SLC17A8: variants seen among roughly 807,000 people sequenced by gnomAD.
The protein encoded by SLC17A8 is vesicular glutamate transporter 3.
Under a neutral mutation model 58.0 loss-of-function variants are expected in SLC17A8, and 31 were observed. The ratio of observed to expected loss-of-function variants is 0.53; its 90% CI spans 0.40 to 0.72. The LOEUF (loss-of-function observed/expected upper bound fraction) is 0.72. Among genes scored for constraint, SLC17A8 ranks in the 30% least tolerant of loss-of-function variants. The pLI is 0.00. For synonymous variants in SLC17A8, 228 were observed against 249.0 expected (o/e 0.92, Z 0.79); for missense variants, 655 against 727.8 (o/e 0.90, Z 1.15).
At chr12:100,361,091 G>T (rs1317254690) in intron 1 of SLC17A8, among the ~76,000 whole-genome samples, 1 of 152,162 alleles carries the variant, frequency 6.6e-6, no homozygotes. Flanking sequence ...GGTTCCAACT[G>T]CTGCAACATC....
chr12:100,381,539 A>C (rs879916671), intron 2 of SLC17A8, among the ~76,000 whole-genome samples: 2 of 149,564 alleles, frequency 1.3e-5, no homozygotes, highest in Non-Finnish European at 3.0e-5. Flanking sequence ...TTGAAGAAAA[A>C]GGTACTGTGA....
At chr12:100,385,233 A>ATT (rs397850732) in intron 2 of SLC17A8, among the ~76,000 whole-genome samples, 56,253 of 106,552 alleles carry the variant, frequency 0.53, 16,012 homozygotes, top group East Asian at 0.85. Context: ...TGTCTTAAAC[A>ATT]TTTTTTTTTT....
Position 100,380,787 on chromosome 12 carries a change from C to T in SLC17A8, c.188C>T (p.Pro63Leu), listed in dbSNP as rs948807871. 7 of 1,614,150 alleles carry T rather than the reference C, an allele frequency of 4.3e-6. No homozygotes were observed. Among genetic ancestry groups the T allele is most frequent in the Middle Eastern group, 1.6e-4 (1 of 6,062 alleles). ...GTGCAGACGTCCAGGCCAAGCCCCCCACTCTGCGACTGCCACTGCTGCGGC... is the reference window on the plus strand; with the variant it reads ...GTGCAGACGTCCAGGCCAAGCCCCCTACTCTGCGACTGCCACTGCTGCGGC... ...RPVQTSRPSP[P>L]LCDCHCCGLP... Residue 63 changes from proline (P) to leucine (L), a missense_variant, in exon 2 of 12, where the codon CCA becomes CTA. Physicochemically the swap from Pro to Leu is moderately conservative, Grantham distance 98. Coordinates refer to ENST00000323346, the MANE Select transcript of SLC17A8 (RefSeq NM_139319.3).
chr12:100,414,883 T>C (rs972295061), intron 10 of SLC17A8, among the ~76,000 whole-genome samples: 2 of 152,204 alleles, frequency 1.3e-5, no homozygotes, highest in African/African-American at 4.8e-5. Context: ...GAGCCTGAGA[T>C]TCTGCAGTTT....
At chr12:100,375,987 G>A (rs1490380463) in intron 1 of SLC17A8, among the ~76,000 whole-genome samples, 1 of 152,150 alleles carries the variant, frequency 6.6e-6, no homozygotes, top group Non-Finnish European at 1.5e-5. Flanking sequence ...AGGTAATTAA[G>A]GTTAAATGAG....
At chr12:100,383,017 G>A (rs1952648131) in intron 2 of SLC17A8, among the ~76,000 whole-genome samples, 1 of 152,154 alleles carries the variant, frequency 6.6e-6, no homozygotes, top group East Asian at 1.9e-4. Flanking sequence ...TGGGGTGTGG[G>A]GGATAGAGGT....
At chr12:100,369,709 G>T (rs2135974522) in intron 1 of SLC17A8, among the ~76,000 whole-genome samples, 1 of 152,164 alleles carries the variant, frequency 6.6e-6, no homozygotes, top group Non-Finnish European at 1.5e-5. Context: ...TTTTGTTTTT[G>T]CTGCTCCAGC....
chr12:100,357,354 AC>A lies in SLC17A8; in HGVS notation c.-37del. 1 of 1,150,708 alleles carries A rather than the reference AC, an allele frequency of 8.7e-7. No individual in the cohort carries two copies. 71.3% of individuals were successfully genotyped at this position (1,150,708 alleles called of 1,614,324 possible). On this transcript the variant is annotated 5_prime_UTR_variant, in exon 1 of 12. In the 5' UTR this introduces an upstream ATG that the reference lacks. Coordinates refer to ENST00000323346, the MANE Select transcript of SLC17A8 (RefSeq NM_139319.3). The stretch of plus-strand genomic sequence containing the variant: ...ATGAGGAAGGATGACAGTTTTTGAG[AC>A]TGACTGTTAACGGCTCAGAGGTGCC...
At chr12:100,381,148 TCTCAG>T (rs1952634880) in intron 2 of SLC17A8, among the ~76,000 whole-genome samples, 195 bp downstream of exon 2, 1 of 151,878 alleles carries the variant, frequency 6.6e-6, no homozygotes, top group South Asian at 2.1e-4. Context: ...CATCTCAGCA[TCTCAG>T]CATCTCAGCA....
chr12:100,384,064 A>G (rs1036882375), intron 2 of SLC17A8, among the ~76,000 whole-genome samples: 1 of 152,186 alleles, frequency 6.6e-6, no homozygotes, highest in African/African-American at 2.4e-5. Context: ...TGTTTGGCAT[A>G]TAGTAAGAAA....
At chr12:100,402,155 A>G (rs1322595114) in intron 6 of SLC17A8, among the ~76,000 whole-genome samples, 185 bp from the exon 7 acceptor site, 1 of 152,236 alleles carries the variant, frequency 6.6e-6, no homozygotes, top group Admixed American at 6.5e-5. Flanking sequence ...ATCCTTTTGT[A>G]GTTCATAAAT....
At chr12:100,409,519 G>A (rs1233192330) in intron 9 of SLC17A8, among the ~76,000 whole-genome samples, 2 of 152,142 alleles carry the variant, frequency 1.3e-5, no homozygotes, top group African/African-American at 2.4e-5. Context: ...CTACATGCTA[G>A]ACAGACTCTG....
chr12:100,389,322 C>A (rs1212623929), intron 2 of SLC17A8, among the ~76,000 whole-genome samples: 1 of 152,082 alleles, frequency 6.6e-6, no homozygotes, highest in South Asian at 2.1e-4. Context: ...AGAGAGATAA[C>A]CTACTAGAAA....
At chr12:100,372,648 A>G (rs1376477518) in intron 1 of SLC17A8, among the ~76,000 whole-genome samples, 3 of 152,238 alleles carry the variant, frequency 2.0e-5, no homozygotes. Context: ...GGGGGTTAAG[A>G]CTTCAACACA....
Position 100,421,661 on chromosome 12 carries a change from T to G in SLC17A8, c.*1502T>G, listed in dbSNP as rs886048801. 4.3e-5 allele frequency: 3 copies of G among 69,818 alleles called. No individual in the cohort carries two copies. The South Asian group carries it at 1.7e-3, about 40-fold the overall frequency. The allele number at this position is 69,818 out of a possible 1,614,324, so 4.3% of individuals were successfully genotyped here. Reference sequence around the variant, plus strand: ...TTGTAGCTTATTATTGTAAAGTGTTTTTTTTTTTTTTTTTTTTTTCTAATT... The same window carrying G: ...TTGTAGCTTATTATTGTAAAGTGTTGTTTTTTTTTTTTTTTTTTTCTAATT... On this transcript the variant is annotated 3_prime_UTR_variant, in exon 12 of 12. Transcript: ENST00000323346.
chr12:100,412,862 A>G lies in SLC17A8; in HGVS notation c.1279A>G (p.Ser427Gly). The change falls in exon 10 of 12, where the codon AGT (serine) becomes GGT (glycine). Residue 427 changes from serine (S) to glycine (G), a missense_variant. Physicochemically the swap from Ser to Gly is moderately conservative, Grantham distance 56. Transcript: ENST00000323346. The stretch of plus-strand genomic sequence containing the variant: ...CTTTCTGGTACTTGCTGTAGGATTT[A>G]GTGGCTTCGCTATTTCAGGTAATGT... ...ISFLVLAVGF[S>G]GFAISGFNVN... 2 of 1,613,864 alleles carry G rather than the reference A, an allele frequency of 1.2e-6. No homozygotes were observed. The highest frequency in any genetic ancestry group is 1.3e-5 in the African/African-American group (1 of 75,030).
At chr12:100,398,898 C>T (rs1187165840) in intron 5 of SLC17A8, among the ~76,000 whole-genome samples, 1 of 152,162 alleles carries the variant, frequency 6.6e-6, no homozygotes, top group Non-Finnish European at 1.5e-5. Context: ...CACAAGCTCT[C>T]TCTTTGCTTG....
At chr12:100,413,685 A>G (rs189544018) in intron 10 of SLC17A8, among the ~76,000 whole-genome samples, 4 of 152,314 alleles carry the variant, frequency 2.6e-5, no homozygotes, top group East Asian at 3.9e-4. Flanking sequence ...TAATAAGAAT[A>G]TGGTTACTGG....
rs1007158444 is a variant in SLC17A8, at chr12:100,391,220, A to T, written c.473+101A>T. The T allele has an allele frequency of 2.4e-5, 19 of 804,872 alleles. No homozygotes were observed. The African/African-American group carries it at 3.2e-4, about 14-fold the overall frequency. 49.9% of individuals were successfully genotyped at this position (804,872 alleles called of 1,614,324 possible). Reference sequence around the variant, plus strand: ...CTCAATTTGGGGGTGCAGAATGAAAAACAGGAGCCATCTGGATAGATGCAA... The same window carrying T: ...CTCAATTTGGGGGTGCAGAATGAAATACAGGAGCCATCTGGATAGATGCAA... On this transcript the variant is annotated intron_variant, in intron 3 of 11. Coordinates refer to ENST00000323346, the MANE Select transcript of SLC17A8 (RefSeq NM_139319.3).
Sources: allele counts gnomAD v4.1 joint callset (sites outside exome capture counted in the v4.1 genomes callset), GRCh38; gene constraint gnomAD v4.1.1; transcripts MANE v1.5; gene names NCBI Gene and HGNC (gene_info 2026-07-23, HGNC 2026-07-21).